Variants in XKR9 observed in about 807,000 individuals in gnomAD.
The protein encoded by XKR9 is XK-related protein 9.
XKR9 carries 32 observed loss-of-function variants against 32.0 expected under a neutral mutation model. The observed-to-expected ratio is 1.00, with a 90% CI of 0.76 to 1.34. The LOEUF is 1.34. XKR9 is among the 40% of genes most tolerant of loss of function. The pLI is 0.00. For missense variants in XKR9, 546 were observed against 429.7 expected, an observed-to-expected ratio of 1.27 and a Z score of -2.39; for synonymous variants, 168 against 143.4, an observed-to-expected ratio of 1.17 and a Z score of -1.22.
the XKR9 span, among the ~76,000 whole-genome samples, chr8:70,822,327 A>G: frequency 6.6e-6 from 1 of 152,032 alleles, no homozygotes; most frequent in Non-Finnish European, 1.5e-5. Flanking sequence ...GTTTAATTAG[A>G]GATTTTGTTA....
chr8:70,890,565 TG>T, the XKR9 span, among the ~76,000 whole-genome samples: 3 of 152,018 alleles, frequency 2.0e-5, no homozygotes, highest in South Asian at 4.1e-4. Flanking sequence ...GATGATCATG[TG>T]ATTTTTGTCC....
chr8:70,776,947 C>CTCTCTCTCTCTATATATATATA lies in XKR9; in HGVS notation n.353-12391_353-12390insCTCTCTCTCTATATATATATAT. Among the ~76,000 whole-genome samples the CTCTCTCTCTCTATATATATATA allele has an allele frequency of 5.3e-3, 288 of 54,162 alleles. 3 individuals carry two copies. The highest frequency in any genetic ancestry group is 0.019 in the Admixed American group (77 of 4,032). The allele number at this position is 54,162 out of a possible 152,430, so 35.5% of individuals were successfully genotyped here. ...TTTCTCTCTCTCTCTCTCTCTCTCT[C>CTCTCTCTCTCTATATATATATA]TATATATATATATATATGTATGTAT... On this transcript the variant is annotated intron_variant and non_coding_transcript_variant, in intron 2 of 3. Coordinates refer to the XKR9 transcript ENST00000520273.
the XKR9 span, among the ~76,000 whole-genome samples, chr8:71,005,198 G>T: frequency 6.7e-6 from 1 of 148,738 alleles, no homozygotes; most frequent in Non-Finnish European, 1.5e-5. Context: ...ACTTTTCTGG[G>T]GCTCAGTTTT....
intron 4 of XKR9, among the ~76,000 whole-genome samples, chr8:70,727,585 A>G (rs1806516146): frequency 6.6e-6 from 1 of 151,934 alleles, no homozygotes; most frequent in Non-Finnish European, 1.5e-5. Context: ...TTTTTAGTTG[A>G]GATGGGGTTT....
chr8:70,909,241 C>T, the XKR9 span, among the ~76,000 whole-genome samples: 43 of 152,270 alleles, frequency 2.8e-4, no homozygotes, highest in Non-Finnish European at 5.3e-4. Flanking sequence ...CTGTGAATTG[C>T]CTCCTCGTGC....
the XKR9 span, among the ~76,000 whole-genome samples, chr8:70,884,996 C>T: frequency 6.6e-6 from 1 of 152,244 alleles, no homozygotes; most frequent in Non-Finnish European, 1.5e-5. Flanking sequence ...TTGAATCTTT[C>T]TATCCATGAA....
chr8:70,731,942 A>C (rs1012840501), intron 4 of XKR9, among the ~76,000 whole-genome samples: 5 of 152,174 alleles, frequency 3.3e-5, no homozygotes, highest in African/African-American at 7.2e-5. Context: ...ATCTCTTCTA[A>C]ACTATCCTCC....
At chr8:70,874,749 A>AT in the XKR9 span, among the ~76,000 whole-genome samples, 1 of 152,124 alleles carries the variant, frequency 6.6e-6, no homozygotes, top group Non-Finnish European at 1.5e-5. Context: ...CAATAAGATT[A>AT]TTTTTTCTTG....
At chr8:70,904,705 C>T in the XKR9 span, among the ~76,000 whole-genome samples, 1 of 152,188 alleles carries the variant, frequency 6.6e-6, no homozygotes, top group Non-Finnish European at 1.5e-5. Context: ...GATGCAGCTT[C>T]TTACTAGCAT....
chr8:70,903,183 T>A, the XKR9 span, among the ~76,000 whole-genome samples: 1 of 152,184 alleles, frequency 6.6e-6, no homozygotes, highest in African/African-American at 2.4e-5. Context: ...TTCTCTCTTT[T>A]TCTACTGATT....
the XKR9 span, among the ~76,000 whole-genome samples, chr8:71,050,128 T>G: frequency 6.6e-6 from 1 of 151,804 alleles, no homozygotes; most frequent in Non-Finnish European, 1.5e-5. Context: ...AACCTTTCTG[T>G]GTCTCAGTGG....
chr8:70,747,982 A>T (rs968847239), intron 2 of XKR9, among the ~76,000 whole-genome samples: 14 of 152,072 alleles, frequency 9.2e-5, no homozygotes, highest in Admixed American at 4.6e-4. Context: ...CTATCCCTGA[A>T]ATTTTCTGTT....
chr8:70,762,515 T>G (rs1807322561), intron 2 of XKR9, among the ~76,000 whole-genome samples: 1 of 152,216 alleles, frequency 6.6e-6, no homozygotes, highest in African/African-American at 2.4e-5. Context: ...CTGCTCCTTA[T>G]GAGAATCTAA....
chr8:70,779,753 T>C (rs751155604), intron 2 of XKR9, among the ~76,000 whole-genome samples: 2 of 152,208 alleles, frequency 1.3e-5, no homozygotes, highest in South Asian at 2.1e-4. Context: ...GAGGTGTTTA[T>C]AGTATTCTCT....
chr8:70,671,800 GATTGTTTATCTAGAAAA>G (rs1818725047), intron 1 of XKR9, among the ~76,000 whole-genome samples: 1 of 113,672 alleles, frequency 8.8e-6, no homozygotes, highest in Non-Finnish European at 2.1e-5. Flanking sequence ...ACATACGTGT[GATTGTTTATCTAGAAAA>G]CCCCATCGTC....
the XKR9 span, among the ~76,000 whole-genome samples, chr8:70,962,290 T>C: frequency 6.6e-6 from 1 of 152,198 alleles, no homozygotes; most frequent in Non-Finnish European, 1.5e-5. Flanking sequence ...TATTATGTGA[T>C]GCTGAGGTTT....
chr8:70,976,737 T>C, the XKR9 span, among the ~76,000 whole-genome samples: 3 of 152,198 alleles, frequency 2.0e-5, no homozygotes, highest in Non-Finnish European at 4.4e-5. Flanking sequence ...CCCCATAAAA[T>C]GAGTTAGGGA....
downstream of XKR9, among the ~76,000 whole-genome samples, chr8:70,736,943 C>T (rs566121400): frequency 1.2e-4 from 19 of 152,218 alleles, no homozygotes; most frequent in East Asian, 2.7e-3. Context: ...ATTGACTCGG[C>T]GATGCGGGCT....
At chr8:70,989,813 C>G in the XKR9 span, among the ~76,000 whole-genome samples, 1 of 152,202 alleles carries the variant, frequency 6.6e-6, no homozygotes, top group African/African-American at 2.4e-5. Context: ...AACAGAAACT[C>G]TGTATCCATT....
Sources: allele counts gnomAD v4.1 joint callset (sites outside exome capture counted in the v4.1 genomes callset), GRCh38; gene constraint gnomAD v4.1.1; transcripts MANE v1.5; gene names NCBI Gene and HGNC (gene_info 2026-07-23, HGNC 2026-07-21).